NUP58: variants seen among roughly 807,000 people sequenced by gnomAD.
The protein encoded by NUP58 is nucleoporin p58/p45.
A neutral mutation model predicts 70.1 loss-of-function variants in NUP58; 17 were observed. That is an observed-to-expected ratio of 0.24 (90% CI 0.17 to 0.36). The LOEUF (loss-of-function observed/expected upper bound fraction) is 0.36. Among genes scored for constraint, NUP58 ranks in the 10% least tolerant of loss-of-function variants. NUP58 has a pLI of 1.00. For synonymous variants in NUP58, 275 were observed against 257.6 expected (o/e 1.07, Z -0.65); for missense variants, 644 against 701.5 (o/e 0.92, Z 0.93).
chr13:25,334,464 G>A, intron 13 of NUP58: 9 of 985,160 alleles, frequency 9.1e-6, no homozygotes, highest in Non-Finnish European at 1.1e-5. Flanking sequence ...GGACATTTAA[G>A]GTGTAGTGTT....
intron 13 of NUP58, chr13:25,333,484 T>A: frequency 1.0e-6 from 1 of 985,446 alleles, no homozygotes; most frequent in Non-Finnish European, 1.2e-6. Context: ...GCAGAAATTA[T>A]AATTTATTAA....
Position 25,311,847 on chromosome 13 carries a change from C to T in NUP58, c.287-1036C>T, listed in dbSNP as rs374617846. Among the ~76,000 whole-genome samples, 6 of 151,944 alleles carry T rather than the reference C, an allele frequency of 3.9e-5. No homozygotes were observed. In the East Asian group the frequency reaches 9.6e-4, roughly 24 times the overall value. On this transcript the variant is annotated intron_variant, in intron 3 of 15. Coordinates refer to ENST00000381736, the MANE Select transcript of NUP58 (RefSeq NM_014089.4). ...GTACAGGATATTTCTGAAGTAGGAT[C>T]GACAGGATTTGTAACTAATGGAGTA... is the stretch of plus-strand genomic sequence containing the variant.
At chr13:25,302,182 A>T (rs2030049994) in intron 1 of NUP58, among the ~76,000 whole-genome samples, 1 of 152,238 alleles carries the variant, frequency 6.6e-6, no homozygotes. Flanking sequence ...CTTGGGGTCT[A>T]CCCCGGAGCT....
In NUP58 at chr13:25,341,950, G is replaced by T. The variant is rs1214528969; in HGVS notation, c.*1816G>T. 2.6e-5 allele frequency: 4 copies of T among 152,218 alleles called. No individual in the cohort carries two copies. The East Asian group carries it at 5.8e-4, about 22-fold the overall frequency. 9.4% of individuals were successfully genotyped at this position (152,218 alleles called of 1,614,324 possible). A position where few individuals can be genotyped will look rare whatever the true frequency, so the allele number is the denominator to read the frequency against. On this transcript the variant is annotated 3_prime_UTR_variant, in exon 16 of 16. Transcript: ENST00000381736. Reference sequence around the variant, plus strand: ...CCACACATTTTTTGTATAATGTTGGGTTTGATTATAAAAGTGTTGTCAAAT... The same window carrying T: ...CCACACATTTTTTGTATAATGTTGGTTTTGATTATAAAAGTGTTGTCAAAT...
In NUP58 at chr13:25,313,832, G is replaced by T. The variant is rs558941139; in HGVS notation, c.574+81G>T. On this transcript the variant is annotated intron_variant, in intron 5 of 15. Transcript: ENST00000381736. ...ATTTTTATTTTAGTACTTTGAGCAG[G>T]TCACTTTTTAATCTGCATATTTTCC... 2.7e-5 allele frequency: 32 copies of T among 1,183,614 alleles called. No individual in the cohort carries two copies. The African/African-American group carries it at 4.9e-4, about 18-fold the overall frequency. The allele number at this position is 1,183,614 out of a possible 1,614,324, so 73.3% of individuals were successfully genotyped here.
At chr13:25,329,272 T>G (rs2031517092) in intron 12 of NUP58, among the ~76,000 whole-genome samples, 1 of 152,188 alleles carries the variant, frequency 6.6e-6, no homozygotes, top group Non-Finnish European at 1.5e-5. Flanking sequence ...ATTGCAACCA[T>G]TATCAAAACC....
chr13:25,316,126 C>CT (rs1238634919), intron 6 of NUP58, among the ~76,000 whole-genome samples: 1 of 152,104 alleles, frequency 6.6e-6, no homozygotes, highest in Non-Finnish European at 1.5e-5. Context: ...ATTTTGGAGA[C>CT]TCTTAGTGTA....
intron 3 of NUP58, among the ~76,000 whole-genome samples, chr13:25,311,436 C>T (rs1289980641): frequency 3.3e-5 from 5 of 152,040 alleles, no homozygotes; most frequent in Non-Finnish European, 7.4e-5. Context: ...AGTGCAATGG[C>T]GTGATCTCAG....
At chr13:25,324,915 T>C (rs929048290) in intron 9 of NUP58, 74 bp from the exon 10 acceptor site, 7 of 988,190 alleles carry the variant, frequency 7.1e-6, no homozygotes, top group Non-Finnish European at 9.3e-6. Context: ...ACTGAATATT[T>C]TTTTTCGTAC....
downstream of NUP58, among the ~76,000 whole-genome samples, chr13:25,344,444 A>G (rs2032025803): frequency 6.6e-6 from 1 of 152,184 alleles, no homozygotes; most frequent in South Asian, 2.1e-4. Flanking sequence ...TTCCTGCACC[A>G]ATACCCCACT....
intron 13 of NUP58, 100 bp from the exon 14 acceptor site, chr13:25,336,836 T>G (rs933104318): frequency 5.4e-6 from 4 of 747,418 alleles, no homozygotes; most frequent in Non-Finnish European, 8.4e-6. Context: ...AAGTAATCAC[T>G]GTTCATTTTA....
At chr13:25,307,756 C>T (rs766470234) in intron 1 of NUP58, 50 bp from the exon 2 acceptor site, 6 of 1,588,218 alleles carry the variant, frequency 3.8e-6, no homozygotes, top group South Asian at 3.4e-5. Context: ...CTCTAGTAGA[C>T]CTCCTTTTGT....
intron 3 of NUP58, among the ~76,000 whole-genome samples, chr13:25,311,482 T>C (rs2030662885): frequency 6.6e-6 from 1 of 152,090 alleles, no homozygotes; most frequent in South Asian, 2.1e-4. Context: ...TTCAAACAAT[T>C]CTCCTGTCTC....
chr13:25,337,155 A>G, intron 14 of NUP58, 121 bp downstream of exon 14: 4 of 509,782 alleles, frequency 7.8e-6, no homozygotes, highest in Non-Finnish European at 1.3e-5. Context: ...TCCATCTGGC[A>G]AAAATGATTC....
At chr13:25,325,727 C>G (rs2031369741) in intron 10 of NUP58, among the ~76,000 whole-genome samples, 1 of 152,100 alleles carries the variant, frequency 6.6e-6, no homozygotes, top group Non-Finnish European at 1.5e-5. Context: ...TTCCTGGTCC[C>G]TCACAATTAA....
Position 25,340,141 on chromosome 13 carries a change from G to A in NUP58, c.*7G>A. ...CAAAAGAGGAAAAAGATAAACATGG[G>A]TTGATGTGTTGAGAGAATCCATAGC... On this transcript the variant is annotated 3_prime_UTR_variant, in exon 16 of 16. Transcript: ENST00000381736. 6.2e-7 allele frequency: 1 copy of A among 1,606,248 alleles called. No individual in the cohort carries two copies. The highest frequency in any genetic ancestry group is 8.5e-7 in the Non-Finnish European group (1 of 1,176,660).
chr13:25,330,438 AAAC>A (rs1309456950), intron 12 of NUP58, among the ~76,000 whole-genome samples: 1 of 152,182 alleles, frequency 6.6e-6, no homozygotes, highest in Non-Finnish European at 1.5e-5. Context: ...TAAATACTAT[AAAC>A]AACAGTAAGA....
chr13:25,323,950 G>A (rs1311252973), intron 9 of NUP58, among the ~76,000 whole-genome samples: 1 of 152,168 alleles, frequency 6.6e-6, no homozygotes, highest in East Asian at 1.9e-4. Flanking sequence ...GAGGCCTCAA[G>A]TGGGCATTTT....
intron 5 of NUP58, 89 bp from the exon 6 acceptor site, chr13:25,315,268 C>A: frequency 1.1e-6 from 1 of 898,232 alleles, no homozygotes; most frequent in East Asian, 2.5e-5. Flanking sequence ...ATCTAGGATC[C>A]AACTTTAAAA....
Sources: gnomAD v4.1 joint callset for allele counts (sites outside exome capture counted in the v4.1 genomes callset) on GRCh38, gnomAD v4.1.1 for gene constraint, MANE v1.5 for transcripts, NCBI Gene and HGNC (gene_info 2026-07-23, HGNC 2026-07-21) for gene names.